The following DPP6 variants were observed in gnomAD, a reference collection of about 807,000 sequenced individuals.
DPP6 encodes the protein A-type potassium channel modulatory protein DPP6.
DPP6 carries 69 observed loss-of-function variants against 122.6 expected under a neutral mutation model. That is an observed-to-expected ratio of 0.56 (90% CI 0.46 to 0.69). The LOEUF (loss-of-function observed/expected upper bound fraction) is 0.69, where lower values mean the gene tolerates loss of function less well. DPP6 is among the 30% of genes least tolerant of loss of function. DPP6 has a pLI of 0.00. For missense variants in DPP6, 928 were observed against 1,116.9 expected (o/e 0.83, Z 2.41); for synonymous variants, 418 against 433.1 (o/e 0.97, Z 0.43).
intron 1 of DPP6, among the ~76,000 whole-genome samples, chr7:154,003,998 G>T (rs971779730): frequency 6.6e-6 from 1 of 152,126 alleles, no homozygotes; most frequent in African/African-American, 2.4e-5. Flanking sequence ...GAAGAATTGA[G>T]GCCGTTAGTG....
chr7:154,024,355 G>A (rs567230819), intron 1 of DPP6, among the ~76,000 whole-genome samples: 186 of 152,240 alleles, frequency 1.2e-3, no homozygotes, highest in Middle Eastern at 3.4e-3. Context: ...ATGTTGCAAA[G>A]ATTGATAGTA....
At chr7:154,283,132 G>A (rs1045939674) in intron 1 of DPP6, among the ~76,000 whole-genome samples, 10 of 152,072 alleles carry the variant, frequency 6.6e-5, no homozygotes, top group South Asian at 6.2e-4. Flanking sequence ...ATTACCCGTG[G>A]GCCCCAGTAA....
At chr7:153,845,384 T>G in the DPP6 span, among the ~76,000 whole-genome samples, 1 of 152,026 alleles carries the variant, frequency 6.6e-6, no homozygotes, top group Admixed American at 6.5e-5. Context: ...TGTCTGACAT[T>G]AATATACTGC....
At chr7:153,816,469 T>G in the DPP6 span, among the ~76,000 whole-genome samples, 1 of 152,186 alleles carries the variant, frequency 6.6e-6, no homozygotes, top group East Asian at 1.9e-4. Context: ...CTGTTTCCCT[T>G]ATGATTAAAT....
At chr7:154,305,335 T>TTGGGGGCCGC in intron 1 of DPP6, 1 of 1,024,760 alleles carries the variant, frequency 9.8e-7, no homozygotes, top group Non-Finnish European at 1.2e-6. Context: ...TCGTCTTGTC[T>TTGGGGGCCGC]ACCCACCCTC....
At chr7:154,804,827 G>A in intron 14 of DPP6, 90 bp from the exon 15 acceptor site, 7 of 1,535,046 alleles carry the variant, frequency 4.6e-6, no homozygotes, top group Non-Finnish European at 5.3e-6. Flanking sequence ...GGCAGTCCCT[G>A]AGGAGTGTCC....
chr7:154,473,248 A>G (rs1056424475), intron 2 of DPP6, among the ~76,000 whole-genome samples: 2 of 152,218 alleles, frequency 1.3e-5, no homozygotes, highest in Non-Finnish European at 2.9e-5. Context: ...ATTGTCGTGT[A>G]TATGGAAGTG....
intron 8 of DPP6, among the ~76,000 whole-genome samples, chr7:154,731,263 A>T (rs913576135): frequency 6.6e-6 from 1 of 152,180 alleles, no homozygotes; most frequent in African/African-American, 2.4e-5. Flanking sequence ...TTGCTTGGAG[A>T]TGTTAGTTCT....
chr7:153,787,012 T>C, the DPP6 span, among the ~76,000 whole-genome samples: 117 of 146,962 alleles, frequency 8.0e-4, no homozygotes, highest in Non-Finnish European at 1.3e-3. Context: ...AGTGCAGTGG[T>C]GCGATCTCAG....
chr7:153,928,006 C>G (rs1800981720), intron 1 of DPP6, among the ~76,000 whole-genome samples: 1 of 152,170 alleles, frequency 6.6e-6, no homozygotes, highest in Non-Finnish European at 1.5e-5. Flanking sequence ...CCCTCCGCCT[C>G]TCTTTCTCTT....
At chr7:154,628,520 C>T (rs1458512138) in intron 5 of DPP6, among the ~76,000 whole-genome samples, 1 of 152,174 alleles carries the variant, frequency 6.6e-6, no homozygotes, top group Admixed American at 6.5e-5. Context: ...GTGACACCCT[C>T]AACTGGACCT....
intron 16 of DPP6, among the ~76,000 whole-genome samples, chr7:154,845,039 T>C (rs559729194): frequency 6.6e-6 from 1 of 152,334 alleles, no homozygotes; most frequent in East Asian, 1.9e-4. Flanking sequence ...AAACCAGGAC[T>C]CCAAGAATGG....
chr7:154,644,578 G>A (rs780369434), intron 6 of DPP6, among the ~76,000 whole-genome samples: 3 of 152,182 alleles, frequency 2.0e-5, no homozygotes, highest in South Asian at 2.1e-4. Flanking sequence ...CTGCACACAC[G>A]GAGATAGGCT....
At chr7:154,589,419 GC>G (rs1208777205) in intron 5 of DPP6, among the ~76,000 whole-genome samples, 1 of 152,162 alleles carries the variant, frequency 6.6e-6, no homozygotes, top group Non-Finnish European at 1.5e-5. Context: ...GGCAGTTCTG[GC>G]TTTTGCAAAG....
At chr7:154,438,327 G>T (rs10263214) in intron 1 of DPP6, among the ~76,000 whole-genome samples, 4 of 151,476 alleles carry the variant, frequency 2.6e-5, no homozygotes, top group Non-Finnish European at 5.9e-5. Context: ...AAAATTAGCC[G>T]GGCGTGGTGG....
the DPP6 span, among the ~76,000 whole-genome samples, chr7:153,808,455 A>G: frequency 6.6e-6 from 1 of 151,408 alleles, no homozygotes; most frequent in Non-Finnish European, 1.5e-5. Context: ...GTGTGTGTGT[A>G]TGTGTGATGA....
At chr7:154,464,976 G>T (rs1466742617) in intron 2 of DPP6, among the ~76,000 whole-genome samples, 1 of 152,118 alleles carries the variant, frequency 6.6e-6, no homozygotes, top group Non-Finnish European at 1.5e-5. Context: ...TATAAATTAG[G>T]TGCAGTCAGA....
At chr7:154,835,625 C>G (rs1467751058) in intron 16 of DPP6, among the ~76,000 whole-genome samples, 2 of 152,120 alleles carry the variant, frequency 1.3e-5, no homozygotes, top group Non-Finnish European at 2.9e-5. Flanking sequence ...TTCTCAGGCC[C>G]CAATCACAAA....
At chr7:154,733,892 TG>T (rs2131385459) in intron 8 of DPP6, among the ~76,000 whole-genome samples, 1 of 152,296 alleles carries the variant, frequency 6.6e-6, no homozygotes, top group Admixed American at 6.5e-5. Context: ...ACTTGCATAT[TG>T]GCTTTAATTT....
Sources: gnomAD v4.1 joint callset for allele counts (sites outside exome capture counted in the v4.1 genomes callset) on GRCh38, gnomAD v4.1.1 for gene constraint, MANE v1.5 for transcripts, NCBI Gene and HGNC (gene_info 2026-07-23, HGNC 2026-07-21) for gene names.